Variants in DMBT1 observed in about 807,000 individuals in gnomAD.
DMBT1 encodes scavenger receptor cysteine-rich domain-containing protein DMBT1.
A neutral mutation model predicts 252.9 loss-of-function variants in DMBT1; 198 were observed. The ratio of observed to expected loss-of-function variants is 0.78; its 90% CI spans 0.70 to 0.88. The LOEUF (loss-of-function observed/expected upper bound fraction) is 0.88. Ranked by LOEUF, DMBT1 falls within the 40% of genes least tolerant of loss-of-function variation. The pLI, the probability that DMBT1 is intolerant of heterozygous loss-of-function variation, is 0.00. For synonymous variants in DMBT1, 990 were observed against 942.7 expected (o/e 1.05, Z -0.92); for missense variants, 2,432 against 2,404.7 (o/e 1.01, Z -0.24).
intron 52 of DMBT1, 24 bp downstream of exon 52, chr10:122,633,365 C>A (rs751975274): frequency 1.2e-6 from 2 of 1,612,356 alleles, no homozygotes; most frequent in Non-Finnish European, 1.7e-6. Context: ...CAGAAGAATG[C>A]CTTGGGGCCC....
At chr10:122,631,333 CA>C (rs1446554476) in intron 49 of DMBT1, 52 bp downstream of exon 49, 1 of 1,592,624 alleles carries the variant, frequency 6.3e-7, no homozygotes, top group African/African-American at 1.3e-5. Context: ...TGCTATAAAG[CA>C]AGAGCTTAAG....
chr10:122,617,601 G>A (rs1444004460), intron 40 of DMBT1, among the ~76,000 whole-genome samples: 1 of 151,600 alleles, frequency 6.6e-6, no homozygotes, highest in Non-Finnish European at 1.5e-5. Flanking sequence ...GAAAATTTCT[G>A]TCCCTGCAGC....
rs1394462730 is a variant in DMBT1, at chr10:122,586,008, A to G, written c.1460-52A>G. 29 of 1,585,226 alleles carry G rather than the reference A, an allele frequency of 1.8e-5. 8 individuals are homozygous for G. The South Asian group carries it at 3.0e-4, about 16-fold the overall frequency. On this transcript the variant is annotated intron_variant, in intron 15 of 55. Coordinates refer to ENST00000338354, the MANE Select transcript of DMBT1 (RefSeq NM_001377530.1). Reference sequence around the variant, plus strand: ...GCCTTGAGTGTGGAACATTCCTTAGATTCTTGACCTCATGATAGGGATGGA... The same window carrying G: ...GCCTTGAGTGTGGAACATTCCTTAGGTTCTTGACCTCATGATAGGGATGGA...
intron 1 of DMBT1, among the ~76,000 whole-genome samples, chr10:122,561,856 C>T (rs1468048238): frequency 6.6e-6 from 1 of 150,534 alleles, no homozygotes; most frequent in African/African-American, 2.5e-5. Flanking sequence ...CTGTTTCTCT[C>T]TCCATCTCTC....
rs965560135 is a variant in DMBT1 at position 122,618,160 on chromosome 10, C to T, written c.5035C>T (p.Leu1679=). 1 of 1,613,964 alleles carries T rather than the reference C, an allele frequency of 6.2e-7. No individual in the cohort carries two copies. Among genetic ancestry groups the T allele is most frequent in the Non-Finnish European group, 8.5e-7 (1 of 1,179,886 alleles). ...TNDANVVCRQ[L]GCGWAMSAPG... ...TGATGCCAACGTGGTCTGCAGGCAG[C>T]TGGGCTGTGGCTGGGCCATGTCAGC... Residue 1679 remains leucine (L), a synonymous_variant, in exon 41 of 56, where the codon CTG becomes TTG. Coordinates refer to ENST00000338354, the MANE Select transcript of DMBT1 (RefSeq NM_001377530.1).
intron 46 of DMBT1, among the ~76,000 whole-genome samples, chr10:122,627,736 G>A (rs1249517039): frequency 6.6e-6 from 1 of 152,158 alleles, no homozygotes; most frequent in African/African-American, 2.4e-5. Flanking sequence ...GGGAGGGCAG[G>A]CCACATGATC....
chr10:122,566,628 A>G (rs1960174), intron 2 of DMBT1, among the ~76,000 whole-genome samples: 101,841 of 151,930 alleles, frequency 0.67, 34,519 homozygotes, highest in East Asian at 0.78. Flanking sequence ...CTTTTCACTA[A>G]TAATGACAGG....
chr10:122,586,621 C>T (rs2097792192), intron 16 of DMBT1, among the ~76,000 whole-genome samples: 1 of 148,336 alleles, frequency 6.7e-6, no homozygotes, highest in African/African-American at 2.4e-5. Flanking sequence ...CCTACTGAGG[C>T]AGCGCAAGCA....
chr10:122,635,502 ACT>A, intron 52 of DMBT1, among the ~76,000 whole-genome samples: 1 of 151,418 alleles, frequency 6.6e-6, no homozygotes, highest in South Asian at 2.1e-4. Context: ...GGAAGATGAG[ACT>A]CTCTTGATTT....
Position 122,637,252 on chromosome 10 carries a change from G to A in DMBT1, c.6882G>A (p.Gln2294=). Residue 2294 remains glutamine (Q), a synonymous_variant, in exon 54 of 56, where the codon CAG becomes CAA. Transcript: ENST00000338354. ...ATGGATACTACGAGTGTCGGCCCCA[G>A]ATAACGCCGAACCTGGTGATATTCA... The part of the protein sequence containing the change: ...TWNGYYECRP[Q]ITPNLVIFTI... 1.9e-6 allele frequency: 3 copies of A among 1,613,984 alleles called. No individual in the cohort carries two copies. The highest frequency in any genetic ancestry group is 1.7e-6 in the Non-Finnish European group (2 of 1,179,888).
intron 3 of DMBT1, among the ~76,000 whole-genome samples, 191 bp from the exon 4 acceptor site, chr10:122,570,699 T>C (rs1437934332): frequency 1.3e-5 from 2 of 151,952 alleles, no homozygotes; most frequent in African/African-American, 2.4e-5. Context: ...AAAGGATGCT[T>C]GTGCGGCATC....
At chr10:122,574,923 C>A (rs893855468) in intron 6 of DMBT1, among the ~76,000 whole-genome samples, 1 of 152,184 alleles carries the variant, frequency 6.6e-6, no homozygotes, top group Non-Finnish European at 1.5e-5. Context: ...GGAGACCTCA[C>A]GTAGCAGCCC....
At chr10:122,594,029 G>A (rs898376960) in intron 21 of DMBT1, among the ~76,000 whole-genome samples, 2 of 133,988 alleles carry the variant, frequency 1.5e-5, no homozygotes, top group African/African-American at 2.5e-5. Context: ...TTATGATTCC[G>A]AGATTTCTAT....
intron 44 of DMBT1, 25 bp downstream of exon 44, chr10:122,621,405 C>T: frequency 1.2e-6 from 2 of 1,613,760 alleles, no homozygotes; most frequent in Non-Finnish European, 1.7e-6. Context: ...CCTGGGGCTC[C>T]CTCTCTTGGG....
intron 10 of DMBT1, among the ~76,000 whole-genome samples, chr10:122,580,244 G>A (rs1328528311): frequency 1.3e-5 from 2 of 152,312 alleles, no homozygotes; most frequent in Admixed American, 6.5e-5. Context: ...GCAAGGCAGG[G>A]GAGGGATCCC....
rs745428442 is a variant in DMBT1 at position 122,579,788 on chromosome 10, T to C, written c.890T>C (p.Val297Ala). ...AQFGQGSGPIVLDDVRCSGHE... is the reference protein window; with the variant it reads ...AQFGQGSGPIALDDVRCSGHE... ...TTTGGCCAGGGCTCAGGACCCATTG[T>C]CCTGGATGATGTGCGCTGCTCAGGA... Residue 297 changes from valine to alanine, a missense_variant, in exon 10 of 56, where the codon GTC (valine) becomes GCC (alanine). By Grantham distance (64) the Val-to-Ala change is moderately conservative (BLOSUM62 0). This residue lies in a region of DMBT1 where 1,264 missense variants were observed against 1,082.2 expected (regional missense o/e 1.17). Coordinates refer to ENST00000338354, the MANE Select transcript of DMBT1 (RefSeq NM_001377530.1). The C allele has an allele frequency of 5.0e-6, 8 of 1,607,362 alleles. No homozygotes were observed. The highest frequency in any genetic ancestry group is 1.7e-5 in the Admixed American group (1 of 59,994).
chr10:122,560,767 C>A lies in DMBT1; in HGVS notation c.-4C>A, dbSNP rs748630395. The A allele has an allele frequency of 5.7e-6, 9 of 1,567,316 alleles. No individual in the cohort carries two copies. The highest frequency in any genetic ancestry group is 7.8e-6 in the Non-Finnish European group (9 of 1,154,190). ...TTCTATTCAATTGAGAAGAACCCAG[C>A]AAAATGGGGATCTCCACAGTCATCC... On this transcript the variant is annotated 5_prime_UTR_variant, in exon 1 of 56. Transcript: ENST00000338354.
chr10:122,629,842 C>T lies in DMBT1; in HGVS notation c.5671C>T (p.Pro1891Ser), dbSNP rs201051943. Residue 1891 changes from proline (P) to serine (S), a missense_variant and splice_region_variant, in exon 47 of 56, where the codon CCC becomes TCC. By Grantham distance (74) the Pro-to-Ser change is moderately conservative (BLOSUM62 -1). Coordinates refer to ENST00000338354, the MANE Select transcript of DMBT1 (RefSeq NM_001377530.1). Reference protein sequence around the residue: ...WHPTTTTTARPSSNCGGFLFY... With the variant: ...WHPTTTTTARSSSNCGGFLFY... Reference sequence around the variant, plus strand: ...GATGTCCCCTCTCTCCTCTCTAGGACCCTCTTCAAATTGTGGTGGCTTCTT... The same window carrying T: ...GATGTCCCCTCTCTCCTCTCTAGGATCCTCTTCAAATTGTGGTGGCTTCTT... 45 of 1,613,744 alleles carry T rather than the reference C, an allele frequency of 2.8e-5. No homozygotes were observed. The East Asian group carries it at 9.8e-4, about 35-fold the overall frequency.
chr10:122,601,136 G>T, intron 28 of DMBT1, 113 bp downstream of exon 28: 1 of 452,344 alleles, frequency 2.2e-6, no homozygotes, highest in Non-Finnish European at 3.7e-6. Context: ...TCCCCTGTGG[G>T]TTGCGTGGGA....
Sources: gnomAD v4.1 joint callset for allele counts (sites outside exome capture counted in the v4.1 genomes callset) on GRCh38, gnomAD v4.1.1 for gene constraint, gnomAD v4.1.1 regional missense constraint, MANE v1.5 for transcripts, NCBI Gene and HGNC (gene_info 2026-07-23, HGNC 2026-07-21) for gene names.